Variants in KIF21A observed in about 807,000 individuals in gnomAD.
The protein encoded by KIF21A is kinesin-like protein KIF21A.
Under a neutral mutation model 202.9 loss-of-function variants are expected in KIF21A, and 114 were observed. The observed-to-expected ratio is 0.56, with a 90% CI of 0.48 to 0.66. KIF21A has a LOEUF of 0.66. KIF21A is among the 30% of genes least tolerant of loss of function. The pLI is 0.00. For missense variants in KIF21A, 1,677 were observed against 1,994.9 expected (o/e 0.84, Z 3.04); for synonymous variants, 667 against 670.8 (o/e 0.99, Z 0.09).
At chr12:39,327,529 C>G (rs79066170) in intron 24 of KIF21A, among the ~76,000 whole-genome samples, 161 of 152,322 alleles carry the variant, frequency 1.1e-3, no homozygotes, top group African/African-American at 3.6e-3. Flanking sequence ...TGTGTTTTAA[C>G]AGCAGGCTAA....
chr12:39,302,179 C>T (rs954677309), intron 36 of KIF21A, among the ~76,000 whole-genome samples: 1 of 152,060 alleles, frequency 6.6e-6, no homozygotes, highest in Non-Finnish European at 1.5e-5. Flanking sequence ...CAAGATCAGA[C>T]TATATGACTA....
rs138053491 is a variant in KIF21A at position 39,371,926 on chromosome 12, C to T, written c.45-1665G>A. Among the ~76,000 whole-genome samples, 1,075 of 150,092 alleles carry T rather than the reference C, an allele frequency of 7.2e-3. 16 individuals carry two copies. The highest frequency in any genetic ancestry group is 0.025 in the African/African-American group (1,014 of 40,878). On this transcript the variant is annotated intron_variant, in intron 1 of 37. Coordinates refer to ENST00000361418, the MANE Select transcript of KIF21A (RefSeq NM_001173464.2). ...CCTGGGCGACAGAGTAAGTGAGAAT[C>T]CGTCTCAAAAAAAAAAAAGAAAAGA...
Position 39,366,516 on chromosome 12 carries a change from T to G in KIF21A, c.737A>C (p.Asp246Ala). Residue 246 changes from aspartate (D) to alanine (A), a missense_variant and splice_region_variant, in exon 6 of 38, where the codon GAC becomes GCC. Physicochemically the swap from Asp to Ala is moderately radical, Grantham distance 126. Transcript: ENST00000361418. ...QTRVCPQIDA[D>A]NATDNKIISE... ...AATAATTTTATTATCAGTTGCATTG[T>G]CCTGAAATTAAGAAAAATAATTGAA... 2 of 1,596,172 alleles carry G rather than the reference T, an allele frequency of 1.3e-6. No homozygotes were observed. The highest frequency in any genetic ancestry group is 2.2e-5 in the East Asian group (1 of 44,730).
chr12:39,332,930 C>T lies in KIF21A; in HGVS notation c.2665G>A (p.Val889Ile), dbSNP rs757443106. ...QQKMRIPVAR[V>I]QALPTPATNG... ...GTTGCCGGCGTTGGTAAGGCCTGGA[C>T]TCTCGCCACAGGAATTCTCATTTTC... The change falls in exon 19 of 38, where the codon GTC becomes ATC. Residue 889 changes from valine to isoleucine, a missense_variant. Coordinates refer to ENST00000361418, the MANE Select transcript of KIF21A (RefSeq NM_001173464.2). 4 of 1,614,000 alleles carry T rather than the reference C, an allele frequency of 2.5e-6. No individual in the cohort carries two copies. Among genetic ancestry groups the T allele is most frequent in the Non-Finnish European group, 3.4e-6 (4 of 1,180,018 alleles).
At chr12:39,424,580 A>T (rs1273434228) in intron 1 of KIF21A, among the ~76,000 whole-genome samples, 1 of 152,162 alleles carries the variant, frequency 6.6e-6, no homozygotes. Context: ...ATATAGAACT[A>T]TTAATCTCAC....
At chr12:39,352,234 T>G (rs12425612) in intron 10 of KIF21A, among the ~76,000 whole-genome samples, 15,392 of 152,070 alleles carry the variant, frequency 0.1, 1,802 homozygotes, top group African/African-American at 0.29. Context: ...CATTCTACTT[T>G]CTGTCTCTAT....
chr12:39,408,302 G>A (rs573537562), intron 1 of KIF21A, among the ~76,000 whole-genome samples: 3 of 152,010 alleles, frequency 2.0e-5, no homozygotes, highest in Admixed American at 6.5e-5. Context: ...TGTGCAGTTC[G>A]CAATAAGGTT....
chr12:39,322,910 T>A, intron 26 of KIF21A, 28 bp from the exon 27 acceptor site: 1 of 1,449,986 alleles, frequency 6.9e-7, no homozygotes, highest in Non-Finnish European at 9.2e-7. Context: ...GGAAAAGCAA[T>A]CAGGAGCAAA....
At chr12:39,352,345 G>A (rs544139157) in intron 10 of KIF21A, among the ~76,000 whole-genome samples, 175 of 151,906 alleles carry the variant, frequency 1.2e-3, no homozygotes, top group South Asian at 5.2e-3. Context: ...TACAAGATAA[G>A]GATTTTTAAA....
intron 1 of KIF21A, among the ~76,000 whole-genome samples, chr12:39,400,830 G>A (rs907098338): frequency 6.6e-6 from 1 of 152,138 alleles, no homozygotes; most frequent in Non-Finnish European, 1.5e-5. Flanking sequence ...CTGCCAAGAT[G>A]TGTAGTTCTG....
At chr12:39,330,594 C>A in intron 23 of KIF21A, 152 bp downstream of exon 23, 1 of 750,412 alleles carries the variant, frequency 1.3e-6, no homozygotes, top group Non-Finnish European at 2.2e-6. Flanking sequence ...CCAAAATGTA[C>A]ACATGCAAAT....
intron 12 of KIF21A, among the ~76,000 whole-genome samples, chr12:39,343,992 C>T (rs922988783): frequency 5.3e-5 from 8 of 152,036 alleles, no homozygotes; most frequent in Admixed American, 3.9e-4. Flanking sequence ...AGCATATATA[C>T]GGAGAGAGAA....
rs766020662 is a variant in KIF21A, at chr12:39,302,946, T to C, written c.4731+19A>G. The C allele has an allele frequency of 1.2e-6, 2 of 1,609,544 alleles. No homozygotes were observed. The highest frequency in any genetic ancestry group is 1.7e-6 in the Non-Finnish European group (2 of 1,176,428). The stretch of plus-strand genomic sequence containing the variant: ...GTGTTGAAATGCCCACTCTATACCA[T>C]GAAAAGGTTCTGCATTACCTGAAGA... On this transcript the variant is annotated intron_variant, in intron 36 of 37. Coordinates refer to ENST00000361418, the MANE Select transcript of KIF21A (RefSeq NM_001173464.2).
At position 39,296,942 on chromosome 12, in the gene KIF21A, C is replaced by G. The variant is rs2137023949; in HGVS notation, c.4932-2425G>C. On this transcript the variant is annotated intron_variant, in intron 37 of 37. Transcript: ENST00000361418. ...TAGATTTTGTGTTGAGTGTAGACTA[C>G]ATATGAGCAAAGGACTTTGTTTAGA... Among the ~76,000 whole-genome samples the G allele has an allele frequency of 2.0e-5, 3 of 152,274 alleles. No homozygotes were observed. The South Asian group carries it at 6.2e-4, about 32-fold the overall frequency.
chr12:39,394,996 T>A (rs758486458), intron 1 of KIF21A, among the ~76,000 whole-genome samples: 1 of 152,288 alleles, frequency 6.6e-6, no homozygotes. Flanking sequence ...ATTATGAAGA[T>A]CTCATTGTGT....
At chr12:39,382,155 T>C (rs1412356114) in intron 1 of KIF21A, among the ~76,000 whole-genome samples, 1 of 152,208 alleles carries the variant, frequency 6.6e-6, no homozygotes, top group Admixed American at 6.5e-5. Context: ...GATTTTCAGT[T>C]TCTCTGCCAA....
chr12:39,332,475 C>CATGG, intron 20 of KIF21A, 67 bp from the exon 21 acceptor site: 1 of 980,586 alleles, frequency 1.0e-6, no homozygotes, highest in South Asian at 1.3e-5. Context: ...ACCATCAAAC[C>CATGG]CCCCCACCCC....
intron 1 of KIF21A, among the ~76,000 whole-genome samples, chr12:39,373,926 T>G (rs926552201): frequency 1.2e-4 from 18 of 152,230 alleles, no homozygotes; most frequent in African/African-American, 4.3e-4. Flanking sequence ...GCAAGATGGG[T>G]GAAAACTTTT....
At chr12:39,363,758 C>T (rs1318093889) in intron 6 of KIF21A, among the ~76,000 whole-genome samples, 1 of 152,204 alleles carries the variant, frequency 6.6e-6, no homozygotes, top group Non-Finnish European at 1.5e-5. Flanking sequence ...TGGCTCATTC[C>T]TATAATCCCA....
Sources: gnomAD v4.1 joint callset for allele counts (sites outside exome capture counted in the v4.1 genomes callset) on GRCh38, gnomAD v4.1.1 for gene constraint, MANE v1.5 for transcripts, NCBI Gene and HGNC (gene_info 2026-07-23, HGNC 2026-07-21) for gene names.